Variants in CRISPLD1 observed in about 807,000 individuals in gnomAD.
CRISPLD1 encodes cysteine-rich secretory protein LCCL domain-containing 1.
In CRISPLD1, 60 loss-of-function variants were observed where a neutral mutation model predicts 77.5. The ratio of observed to expected loss-of-function variants is 0.77; its 90% CI spans 0.63 to 0.96. The LOEUF is 0.96. CRISPLD1 is among the 40% of genes least tolerant of loss of function. The probability of loss-of-function intolerance (pLI) is 0.00; values close to 1 mark genes in which losing one functional copy is unlikely to be tolerated. For missense variants in CRISPLD1, 623 were observed against 615.8 expected, an observed-to-expected ratio of 1.01 and a Z score of -0.12; for synonymous variants, 195 against 200.1, an observed-to-expected ratio of 0.97 and a Z score of 0.22.
chr8:75,013,937 C>G (rs1441701974), intron 4 of CRISPLD1, 50 bp from the exon 5 acceptor site: 1 of 1,192,802 alleles, frequency 8.4e-7, no homozygotes, highest in Admixed American at 1.7e-5. Context: ...AAGTGTTGTC[C>G]TATTTCATTT....
intron 2 of CRISPLD1, among the ~76,000 whole-genome samples, chr8:74,990,284 TA>T (rs765348009): frequency 3.1e-3 from 440 of 142,860 alleles, no homozygotes; most frequent in African/African-American, 4.7e-3. Flanking sequence ...TAAGTCTATT[TA>T]AAAAAAAAAA....
intron 2 of CRISPLD1, among the ~76,000 whole-genome samples, chr8:75,010,129 TTG>T (rs1044671902): frequency 6.6e-6 from 1 of 152,124 alleles, no homozygotes; most frequent in Non-Finnish European, 1.5e-5. Flanking sequence ...TACACTATTT[TTG>T]TATTTTTGCT....
At chr8:75,014,700 A>T (rs749027830) in intron 5 of CRISPLD1, 112 bp from the exon 6 acceptor site, 30 of 670,036 alleles carry the variant, frequency 4.5e-5, no homozygotes, top group Non-Finnish European at 7.1e-5. Context: ...GAATGTCTTA[A>T]ATCTATACGC....
At chr8:74,999,512 T>A (rs1413764814) in intron 2 of CRISPLD1, among the ~76,000 whole-genome samples, 2 of 152,146 alleles carry the variant, frequency 1.3e-5, no homozygotes, top group Admixed American at 6.5e-5. Flanking sequence ...AAAATACATA[T>A]TTTGATTCAG....
chr8:74,986,081 T>A lies in CRISPLD1; in HGVS notation c.94T>A (p.Leu32Met). 6.2e-7 allele frequency: 1 copy of A among 1,614,132 alleles called. No homozygotes were observed. Among genetic ancestry groups the A allele is most frequent in the South Asian group, 1.1e-5 (1 of 91,084 alleles). ...CATGGTGGTTCCCAATGCCACTTTA[T>A]TGGAGAAACTTTTGGAAAAATACAT... ...PAMVVPNATL[L>M]EKLLEKYMDE... is the part of the protein sequence containing the mutation. Residue 32 changes from leucine (L) to methionine (M), a missense_variant, in exon 2 of 15, where the codon TTG becomes ATG. By Grantham distance (15) the Leu-to-Met change is conservative. Coordinates refer to ENST00000262207, the MANE Select transcript of CRISPLD1 (RefSeq NM_031461.6).
intron 2 of CRISPLD1, among the ~76,000 whole-genome samples, chr8:74,989,784 G>A (rs928121006): frequency 2.0e-5 from 3 of 152,120 alleles, no homozygotes; most frequent in Non-Finnish European, 4.4e-5. Context: ...AGTTGCATTT[G>A]CGTTTGAGGT....
chr8:75,016,744 C>T (rs1813036332), intron 7 of CRISPLD1, 39 bp downstream of exon 7: 1 of 1,582,088 alleles, frequency 6.3e-7, no homozygotes, highest in African/African-American at 1.4e-5. Context: ...TTTCAAAGTA[C>T]ATAAATGGTA....
At chr8:75,010,217 A>G (rs1450990215) in intron 2 of CRISPLD1, among the ~76,000 whole-genome samples, 1 of 152,140 alleles carries the variant, frequency 6.6e-6, no homozygotes, top group Non-Finnish European at 1.5e-5. Flanking sequence ...GATTTGATCC[A>G]TATTTCAGAG....
At chr8:74,995,858 T>G (rs538541412) in intron 2 of CRISPLD1, among the ~76,000 whole-genome samples, 1 of 152,222 alleles carries the variant, frequency 6.6e-6, no homozygotes, top group African/African-American at 2.4e-5. Flanking sequence ...AGAATTACAT[T>G]TAGTTCAGGA....
chr8:75,009,191 A>G (rs918710257), intron 2 of CRISPLD1, among the ~76,000 whole-genome samples: 3 of 152,014 alleles, frequency 2.0e-5, no homozygotes, highest in African/African-American at 7.2e-5. Flanking sequence ...AGGGCTGGCA[A>G]ACTCACAGGT....
At chr8:75,026,578 A>T (rs1265559436) in intron 13 of CRISPLD1, 3 of 152,186 alleles carry the variant, frequency 2.0e-5, no homozygotes, top group Admixed American at 2.0e-4. Flanking sequence ...GTGTAGACAA[A>T]GTCTGAAAGT....
intron 2 of CRISPLD1, among the ~76,000 whole-genome samples, chr8:75,011,632 C>T (rs1037278848): frequency 1.1e-4 from 16 of 152,004 alleles, no homozygotes; most frequent in African/African-American, 2.9e-4. Flanking sequence ...ATAACTTAAT[C>T]GGTGATTTAA....
At chr8:74,987,610 T>A (rs1442914838) in intron 2 of CRISPLD1, among the ~76,000 whole-genome samples, 2 of 152,226 alleles carry the variant, frequency 1.3e-5, no homozygotes, top group East Asian at 3.8e-4. Context: ...CTGTGCAGGA[T>A]ATGACATCTG....
At chr8:75,025,853 A>G (rs1026181903) in intron 13 of CRISPLD1, among the ~76,000 whole-genome samples, 1 of 152,204 alleles carries the variant, frequency 6.6e-6, no homozygotes, top group South Asian at 2.1e-4. Context: ...CATATGTTTT[A>G]TATAAGACAC....
At chr8:75,011,110 T>TTA (rs1461634278) in intron 2 of CRISPLD1, among the ~76,000 whole-genome samples, 2 of 151,366 alleles carry the variant, frequency 1.3e-5, no homozygotes, top group African/African-American at 4.9e-5. Flanking sequence ...TTAAATTTCT[T>TTA]TTTTTTTGTA....
At chr8:74,985,633 T>A (rs1365338082) in intron 1 of CRISPLD1, among the ~76,000 whole-genome samples, 1 of 152,202 alleles carries the variant, frequency 6.6e-6, no homozygotes, top group Non-Finnish European at 1.5e-5. Flanking sequence ...ATTCACATAG[T>A]ATTTTCAAGC....
At chr8:75,021,180 C>T (rs1018048728) in intron 12 of CRISPLD1, among the ~76,000 whole-genome samples, 3 of 152,118 alleles carry the variant, frequency 2.0e-5, no homozygotes, top group African/African-American at 7.2e-5. Flanking sequence ...TCATTACTTA[C>T]CCTTTTGAAA....
rs1045644891 is a variant in CRISPLD1 at position 75,012,428 on chromosome 8, T to C, written c.259-5T>C. 4 of 1,594,054 alleles carry C rather than the reference T, an allele frequency of 2.5e-6. No individual in the cohort carries two copies. The highest frequency in any genetic ancestry group is 2.7e-5 in the African/African-American group (2 of 74,508). ...TGCACATTTTGCTTTTGTTTTAAAC[T>C]GTAGACATGGGATGTAGAGCTGGAA... On this transcript the variant is annotated splice_region_variant and splice_polypyrimidine_tract_variant and intron_variant, in intron 2 of 14. Transcript: ENST00000262207.
At chr8:75,030,404 C>T (rs1304582282) in intron 14 of CRISPLD1, among the ~76,000 whole-genome samples, 1 of 151,934 alleles carries the variant, frequency 6.6e-6, no homozygotes, top group Non-Finnish European at 1.5e-5. Flanking sequence ...TCATGGCCTC[C>T]TTAAACAGAA....
Sources: allele counts gnomAD v4.1 joint callset (sites outside exome capture counted in the v4.1 genomes callset), GRCh38; gene constraint gnomAD v4.1.1; transcripts MANE v1.5; gene names NCBI Gene and HGNC (gene_info 2026-07-23, HGNC 2026-07-21).